The following BLNK variants were observed in gnomAD, a reference collection of about 807,000 sequenced individuals.
The protein encoded by BLNK is B-cell linker protein.
In BLNK, 29 loss-of-function variants were observed where a neutral mutation model predicts 73.5. That is an observed-to-expected ratio of 0.39 (90% CI 0.29 to 0.54). The LOEUF (loss-of-function observed/expected upper bound fraction) is 0.54, where lower values mean the gene tolerates loss of function less well. Among genes scored for constraint, BLNK ranks in the 20% least tolerant of loss-of-function variants. The pLI, the probability that BLNK is intolerant of heterozygous loss-of-function variation, is 0.61. For synonymous variants in BLNK, 176 were observed against 200.8 expected (o/e 0.88, Z 1.04); for missense variants, 460 against 562.8 (o/e 0.82, Z 1.85).
At chr10:96,216,488 C>G in intron 7 of BLNK, 165 bp downstream of exon 7, 1 of 681,744 alleles carries the variant, frequency 1.5e-6, no homozygotes, top group African/African-American at 1.8e-5. Flanking sequence ...TGGGTTGTCA[C>G]TGATGCTGTC....
intron 1 of BLNK, among the ~76,000 whole-genome samples, chr10:96,268,033 T>C (rs1844091378): frequency 6.6e-6 from 1 of 152,192 alleles, no homozygotes; most frequent in African/African-American, 2.4e-5. Flanking sequence ...TTGCCTAAAA[T>C]CACACAAATC....
chr10:96,204,208 A>G, intron 12 of BLNK, 120 bp from the exon 13 acceptor site: 2 of 1,081,548 alleles, frequency 1.8e-6, no homozygotes, highest in Non-Finnish European at 2.8e-6. Flanking sequence ...ACAAATGGCC[A>G]ATAAAATGTA....
At chr10:96,201,085 A>G in intron 13 of BLNK, 27 bp from the exon 14 acceptor site, 1 of 1,579,194 alleles carries the variant, frequency 6.3e-7, no homozygotes, top group Non-Finnish European at 8.7e-7. Flanking sequence ...AAGTCCTTCA[A>G]TTAATCTTCA....
chr10:96,227,295 G>A (rs782694214), intron 5 of BLNK, 115 bp downstream of exon 5: 20 of 1,386,286 alleles, frequency 1.4e-5, no homozygotes, highest in South Asian at 8.1e-5. Flanking sequence ...GGGAGCGGGC[G>A]GCTGGCAGAG....
rs782739127 is a variant in BLNK at position 96,204,070 on chromosome 10, G to A, written c.921C>T (p.Pro307=). Residue 307 remains proline (P), a synonymous_variant, in exon 13 of 17, where the codon CCC becomes CCT. Transcript: ENST00000224337. ...CGTTGTACTTACTTGGCAGAGGTAT[G>A]GGTTTTTGGTGGATTTGTCTGCAAG... ...PPAQKQIHQK[P]IPLPRFTEGG... 2 of 1,613,776 alleles carry A rather than the reference G, an allele frequency of 1.2e-6. No homozygotes were observed. Among genetic ancestry groups the A allele is most frequent in the Non-Finnish European group, 1.7e-6 (2 of 1,179,732 alleles).
At chr10:96,219,028 CG>C (rs368601745) in intron 6 of BLNK, among the ~76,000 whole-genome samples, 5 of 152,168 alleles carry the variant, frequency 3.3e-5, no homozygotes, top group African/African-American at 1.2e-4. Flanking sequence ...GCTGAATCAT[CG>C]GAAGTTCTCC....
intron 6 of BLNK, among the ~76,000 whole-genome samples, chr10:96,219,988 G>A (rs1213035531): frequency 6.6e-6 from 1 of 152,212 alleles, no homozygotes; most frequent in Admixed American, 6.5e-5. Context: ...GTAAGGAGCA[G>A]ACAAGATGGC....
intron 13 of BLNK, among the ~76,000 whole-genome samples, chr10:96,202,600 A>C (rs2083674027): frequency 6.6e-6 from 1 of 152,166 alleles, no homozygotes. Flanking sequence ...GAAGGCAGCC[A>C]CCATTGTAAG....
At chr10:96,216,798 G>A in intron 6 of BLNK, 64 bp from the exon 7 acceptor site, 1 of 1,383,674 alleles carries the variant, frequency 7.2e-7, no homozygotes, top group South Asian at 1.2e-5. Context: ...GTATGGGAGG[G>A]AGTGATTTTT....
At chr10:96,223,782 C>T (rs372104758) in intron 6 of BLNK, 44 bp downstream of exon 6, 7 of 1,609,920 alleles carry the variant, frequency 4.3e-6, no homozygotes, top group African/African-American at 1.3e-5. Flanking sequence ...CTTGCCCCAC[C>T]CCCCTCTGTG....
chr10:96,227,414 A>G lies in BLNK; in HGVS notation c.357T>C (p.Tyr119=). ...CAGGTCTGCGGGGGACCTCACCTAT[A>G]TACTCGCCTCTGGCGAAGGGCAGGG... ...HPALPFARGE[Y]IDNRSSQRHS... The change falls in exon 5 of 17, where the codon TAT becomes TAC. Residue 119 remains tyrosine, a synonymous_variant. Transcript: ENST00000224337. 1.9e-6 allele frequency: 3 copies of G among 1,613,788 alleles called. No homozygotes were observed. Among genetic ancestry groups the G allele is most frequent in the Non-Finnish European group, 2.5e-6 (3 of 1,180,022 alleles).
At chr10:96,221,132 C>A (rs1006031036) in intron 6 of BLNK, among the ~76,000 whole-genome samples, 8 of 152,194 alleles carry the variant, frequency 5.3e-5, no homozygotes, top group African/African-American at 1.9e-4. Flanking sequence ...CCCCTTTACA[C>A]CTTTGTTTCC....
intron 4 of BLNK, 26 bp from the exon 5 acceptor site, chr10:96,227,592 G>A: frequency 6.2e-7 from 1 of 1,613,446 alleles, no homozygotes; most frequent in South Asian, 1.1e-5. Flanking sequence ...CAGACACTGT[G>A]CTCAGCATCC....
intron 5 of BLNK, 52 bp from the exon 6 acceptor site, chr10:96,224,041 CCTGGGT>C: frequency 6.2e-7 from 1 of 1,605,332 alleles, no homozygotes; most frequent in East Asian, 2.2e-5. Flanking sequence ...TGGATCATTT[CCTGGGT>C]GGAAGCCATT....
chr10:96,207,820 GA>G, intron 10 of BLNK, 51 bp downstream of exon 10: 2 of 1,597,040 alleles, frequency 1.3e-6, no homozygotes, highest in Non-Finnish European at 1.7e-6. Context: ...AAATGGATAA[GA>G]ATAAACACTG....
intron 1 of BLNK, among the ~76,000 whole-genome samples, chr10:96,259,868 C>G (rs1156325823): frequency 6.6e-6 from 1 of 151,790 alleles, no homozygotes; most frequent in Non-Finnish European, 1.5e-5. Flanking sequence ...GTAGGACTTA[C>G]CCTATCAGAG....
chr10:96,227,256 G>A (rs78581702), intron 5 of BLNK, among the ~76,000 whole-genome samples, 154 bp downstream of exon 5: 3 of 152,298 alleles, frequency 2.0e-5, no homozygotes, highest in Non-Finnish European at 2.9e-5. Flanking sequence ...CCTTTACCTC[G>A]GAGCCCAGAT....
chr10:96,255,333 A>G (rs1335890444), intron 1 of BLNK, among the ~76,000 whole-genome samples: 2 of 152,224 alleles, frequency 1.3e-5, no homozygotes, highest in African/African-American at 4.8e-5. Context: ...CACTTTTCCA[A>G]TAATTTTTAT....
chr10:96,249,516 G>A (rs1490142893), intron 1 of BLNK, among the ~76,000 whole-genome samples: 1 of 152,260 alleles, frequency 6.6e-6, no homozygotes, highest in Admixed American at 6.5e-5. Context: ...TAGCCCTTAG[G>A]GAGTGGAGTG....
Sources: allele counts gnomAD v4.1 joint callset (sites outside exome capture counted in the v4.1 genomes callset), GRCh38; gene constraint gnomAD v4.1.1; transcripts MANE v1.5; gene names NCBI Gene and HGNC (gene_info 2026-07-23, HGNC 2026-07-21).